Variants in CAMTA1 observed in about 807,000 individuals in gnomAD.
CAMTA1 encodes calmodulin binding transcription activator 1, also known as calmodulin-binding transcription activator 1.
Under a neutral mutation model 170.9 loss-of-function variants are expected in CAMTA1, and 27 were observed. The ratio of observed to expected loss-of-function variants is 0.16; its 90% CI spans 0.12 to 0.22. The LOEUF (loss-of-function observed/expected upper bound fraction) is 0.22. Ranked by LOEUF, CAMTA1 falls within the 10% of genes least tolerant of loss-of-function variation. The probability of loss-of-function intolerance (pLI) is 1.00; values close to 1 mark genes in which losing one functional copy is unlikely to be tolerated. For synonymous variants in CAMTA1, 833 were observed against 891.5 expected, an observed-to-expected ratio of 0.93 and a Z score of 1.17; for missense variants, 1,619 against 2,217.2, an observed-to-expected ratio of 0.73 and a Z score of 5.42.
In CAMTA1 at chr1:6,906,537, C is replaced by T. The variant is rs950387797; in HGVS notation, c.234+81327C>T. 1.1e-4 allele frequency among the ~76,000 whole-genome samples: 16 copies of T among 152,252 alleles called. No homozygotes were observed. In the Middle Eastern group the frequency reaches 0.014, roughly 130 times the overall value. On this transcript the variant is annotated intron_variant, in intron 3 of 22. Transcript: ENST00000303635. ...CTGCAGGCAATGGCGGGAGATGTGC[C>T]AGGGACTTTGGCCATGGGAGCAATG...
chr1:7,043,245 A>G (rs1022764714), intron 3 of CAMTA1, among the ~76,000 whole-genome samples: 1 of 152,162 alleles, frequency 6.6e-6, no homozygotes, highest in East Asian at 1.9e-4. Context: ...CCCCCACCCT[A>G]CGCTCACCCT....
chr1:7,105,768 C>T (rs1643513067), intron 4 of CAMTA1, among the ~76,000 whole-genome samples: 1 of 152,024 alleles, frequency 6.6e-6, no homozygotes, highest in South Asian at 2.1e-4. Context: ...TATAGTGAGA[C>T]CACCGTCTCT....
At chr1:6,938,337 G>A (rs1458621521) in intron 3 of CAMTA1, among the ~76,000 whole-genome samples, 1 of 152,162 alleles carries the variant, frequency 6.6e-6, no homozygotes, top group Non-Finnish European at 1.5e-5. Flanking sequence ...TGGTTGGCTG[G>A]GGTCAGGGCT....
At chr1:6,814,310 T>C (rs1247449661) in intron 1 of CAMTA1, among the ~76,000 whole-genome samples, 1 of 152,172 alleles carries the variant, frequency 6.6e-6, no homozygotes, top group Non-Finnish European at 1.5e-5. Flanking sequence ...CCCATCTCCT[T>C]CTCTTCCTCC....
rs772026337 is a variant in CAMTA1, at chr1:7,745,037, G to A, written c.4370+15G>A. On this transcript the variant is annotated intron_variant, in intron 17 of 22. Coordinates refer to ENST00000303635, the MANE Select transcript of CAMTA1 (RefSeq NM_015215.4). ...GCCCAGATCCGGTGAGTAAAGTTACGGAGGTCACTACCCAGCATAGATTCC... is the reference window on the plus strand; with the variant it reads ...GCCCAGATCCGGTGAGTAAAGTTACAGAGGTCACTACCCAGCATAGATTCC... 24 of 1,603,594 alleles carry A rather than the reference G, an allele frequency of 1.5e-5. No individual in the cohort carries two copies. The highest frequency in any genetic ancestry group is 4.5e-5 in the East Asian group (2 of 44,836).
At chr1:7,122,893 T>C (rs1296675057) in intron 4 of CAMTA1, among the ~76,000 whole-genome samples, 1 of 152,202 alleles carries the variant, frequency 6.6e-6, no homozygotes, top group Admixed American at 6.5e-5. Flanking sequence ...CTGGTCTCCC[T>C]TTTATACCCA....
At chr1:7,223,749 G>C (rs1168734035) in intron 4 of CAMTA1, among the ~76,000 whole-genome samples, 2 of 152,218 alleles carry the variant, frequency 1.3e-5, no homozygotes, top group Non-Finnish European at 2.9e-5. Flanking sequence ...AATCTTCCCA[G>C]CATGTGTTAA....
At chr1:6,794,343 G>A (rs569886560) in intron 1 of CAMTA1, among the ~76,000 whole-genome samples, 1 of 152,268 alleles carries the variant, frequency 6.6e-6, no homozygotes, top group South Asian at 2.1e-4. Context: ...AATCCACAAG[G>A]GGGTAGTGAT....
chr1:7,480,324 T>TGG (rs563659287), intron 6 of CAMTA1, among the ~76,000 whole-genome samples: 2 of 149,830 alleles, frequency 1.3e-5, no homozygotes, highest in African/African-American at 4.9e-5. Context: ...AGTGTGTGTG[T>TGG]GTATGAGTGC....
intron 11 of CAMTA1, among the ~76,000 whole-genome samples, chr1:7,688,603 G>T (rs560052339): frequency 1.3e-5 from 2 of 152,144 alleles, no homozygotes; most frequent in Admixed American, 1.3e-4. Flanking sequence ...CTGGTTGGGG[G>T]CTAGGGCAGC....
intron 3 of CAMTA1, among the ~76,000 whole-genome samples, chr1:7,001,922 A>C: frequency 8.1e-6 from 1 of 123,526 alleles, no homozygotes; most frequent in African/African-American, 3.2e-5. Flanking sequence ...TTTGAGACGG[A>C]TTCTCCCTCT....
Position 6,785,472 on chromosome 1 carries a change from CCGG to C in CAMTA1, c.-46_-44del, listed in dbSNP as rs1247028928. On this transcript the variant is annotated 5_prime_UTR_variant, in exon 1 of 23. Transcript: ENST00000303635. ...GCGCGGCGGCGGCGGGGTGGCTGGG[CCGG>C]CGGCGGCGGCGGTACGAGGCGCGCG... 3.7e-4 allele frequency: 361 copies of C among 988,798 alleles called. No individual in the cohort carries two copies. The highest frequency in any genetic ancestry group is 1.5e-3 in the Middle Eastern group (3 of 1,970). The allele number at this position is 988,798 out of a possible 1,614,324, so 61.3% of individuals were successfully genotyped here.
chr1:7,012,883 AC>A (rs1406760369), intron 3 of CAMTA1, among the ~76,000 whole-genome samples: 1 of 151,112 alleles, frequency 6.6e-6, no homozygotes, highest in Non-Finnish European at 1.5e-5. Context: ...CTCCCAACTC[AC>A]CGTCCAGCTG....
intron 6 of CAMTA1, among the ~76,000 whole-genome samples, chr1:7,475,594 C>T (rs1180576781): frequency 6.6e-6 from 1 of 152,196 alleles, no homozygotes; most frequent in African/African-American, 2.4e-5. Context: ...AGAGTGGGGA[C>T]GTGGCTGATG....
intron 4 of CAMTA1, among the ~76,000 whole-genome samples, chr1:7,244,975 C>T (rs1370305511): frequency 6.6e-6 from 1 of 151,756 alleles, no homozygotes; most frequent in Non-Finnish European, 1.5e-5. Context: ...CATAACTCTA[C>T]CTAACCAAGA....
intron 3 of CAMTA1, among the ~76,000 whole-genome samples, chr1:6,954,717 G>T (rs918076469): frequency 6.6e-6 from 1 of 152,174 alleles, no homozygotes; most frequent in Non-Finnish European, 1.5e-5. Context: ...CTCAAGGACC[G>T]CGAGTGCCTT....
intron 4 of CAMTA1, among the ~76,000 whole-genome samples, chr1:7,205,035 T>A: frequency 6.6e-6 from 1 of 152,010 alleles, no homozygotes; most frequent in Non-Finnish European, 1.5e-5. Flanking sequence ...TTCACCATGT[T>A]AGCCAGGATG....
intron 3 of CAMTA1, among the ~76,000 whole-genome samples, chr1:6,987,365 A>G (rs1572242184): frequency 6.6e-6 from 1 of 152,286 alleles, no homozygotes; most frequent in African/African-American, 2.4e-5. Flanking sequence ...GAGTTTCACC[A>G]TGTTGGCCAG....
At chr1:6,997,099 T>C (rs1697378834) in intron 3 of CAMTA1, among the ~76,000 whole-genome samples, 1 of 152,228 alleles carries the variant, frequency 6.6e-6, no homozygotes, top group Non-Finnish European at 1.5e-5. Flanking sequence ...GGACGATGAT[T>C]CTTTGGCATT....
Sources: gnomAD v4.1 joint callset for allele counts (sites outside exome capture counted in the v4.1 genomes callset) on GRCh38, gnomAD v4.1.1 for gene constraint, MANE v1.5 for transcripts, NCBI Gene and HGNC (gene_info 2026-07-23, HGNC 2026-07-21) for gene names.